Variants in SOX6 observed in about 807,000 individuals in gnomAD.
SOX6 encodes the protein SRY-box transcription factor 6.
SOX6 carries 11 observed loss-of-function variants against 97.8 expected under a neutral mutation model. That is an observed-to-expected ratio of 0.11 (90% CI 0.07 to 0.19). SOX6 has a LOEUF of 0.19. Among genes scored for constraint, SOX6 ranks in the 10% least tolerant of loss-of-function variants. The probability of loss-of-function intolerance (pLI) is 1.00; values close to 1 mark genes in which losing one functional copy is unlikely to be tolerated. For missense variants in SOX6, 810 were observed against 1,039.5 expected, an observed-to-expected ratio of 0.78 and a Z score of 3.04; for synonymous variants, 360 against 371.4, an observed-to-expected ratio of 0.97 and a Z score of 0.35.
chr11:16,059,041 T>C (rs1847885453), intron 9 of SOX6, among the ~76,000 whole-genome samples: 1 of 152,116 alleles, frequency 6.6e-6, no homozygotes, highest in African/African-American at 2.4e-5. Flanking sequence ...CAACTGGGCT[T>C]GATTCTTTTT....
At chr11:16,665,606 G>A (rs1281070206) in intron 3 of SOX6, among the ~76,000 whole-genome samples, 2 of 152,152 alleles carry the variant, frequency 1.3e-5, no homozygotes, top group Non-Finnish European at 2.9e-5. Context: ...CCCAGGACTG[G>A]GGGGATCTTG....
chr11:16,436,515 C>A (rs1859379011), intron 1 of SOX6, among the ~76,000 whole-genome samples: 1 of 152,068 alleles, frequency 6.6e-6, no homozygotes, highest in South Asian at 2.1e-4. Context: ...TTTGAGTTCC[C>A]TACTCATACT....
At chr11:16,640,028 G>A (rs373894292) in intron 3 of SOX6, among the ~76,000 whole-genome samples, 1 of 152,112 alleles carries the variant, frequency 6.6e-6, no homozygotes. Flanking sequence ...CCCATTCAGT[G>A]TGATACTGGC....
chr11:16,686,381 C>A (rs546714509), intron 3 of SOX6, among the ~76,000 whole-genome samples: 6 of 152,308 alleles, frequency 3.9e-5, no homozygotes, highest in African/African-American at 1.4e-4. Context: ...GAGTAGGCCA[C>A]ATCTTCAACA....
chr11:15,994,110 T>C (rs1279425657), intron 13 of SOX6, among the ~76,000 whole-genome samples: 1 of 152,212 alleles, frequency 6.6e-6, no homozygotes, highest in African/African-American at 2.4e-5. Flanking sequence ...ACTTTGTTTT[T>C]AAGGAATTTG....
intron 1 of SOX6, among the ~76,000 whole-genome samples, chr11:16,470,851 A>C (rs953430194): frequency 1.2e-4 from 18 of 152,176 alleles, no homozygotes; most frequent in Non-Finnish European, 1.5e-5. Context: ...TGCAGAATCA[A>C]GTGTTATACT....
chr11:16,485,296 A>C (rs1379540113), intron 4 of SOX6, among the ~76,000 whole-genome samples: 1 of 152,216 alleles, frequency 6.6e-6, no homozygotes, highest in African/African-American at 2.4e-5. Flanking sequence ...CAAAACAAAA[A>C]AAATGAGGGC....
chr11:16,406,669 G>A (rs575822271), intron 1 of SOX6, among the ~76,000 whole-genome samples: 19 of 152,122 alleles, frequency 1.2e-4, no homozygotes, highest in African/African-American at 4.6e-4. Flanking sequence ...GAGGACAAAT[G>A]CCCTATCAAT....
At chr11:16,475,444 T>C (rs556477588) in intron 1 of SOX6, among the ~76,000 whole-genome samples, 1 of 152,236 alleles carries the variant, frequency 6.6e-6, no homozygotes, top group South Asian at 2.1e-4. Context: ...CATTGTAGGG[T>C]TATTAATTGG....
chr11:16,083,098 T>G (rs1449657471), intron 9 of SOX6, among the ~76,000 whole-genome samples: 1 of 152,220 alleles, frequency 6.6e-6, no homozygotes, highest in East Asian at 1.9e-4. Context: ...TAACATCACC[T>G]TATCCATGAA....
chr11:16,465,169 T>G (rs1860005846), intron 1 of SOX6, among the ~76,000 whole-genome samples: 1 of 152,150 alleles, frequency 6.6e-6, no homozygotes, highest in East Asian at 1.9e-4. Context: ...TACCCACACT[T>G]TTCATGTCTG....
intron 3 of SOX6, among the ~76,000 whole-genome samples, chr11:16,705,633 GAA>G (rs147138738): frequency 6.6e-6 from 1 of 151,390 alleles, no homozygotes; most frequent in Non-Finnish European, 1.5e-5. Context: ...CCTCTAGGGG[GAA>G]AAAAAACTAT....
At chr11:16,001,118 G>A (rs1191033742) in intron 13 of SOX6, among the ~76,000 whole-genome samples, 1 of 152,028 alleles carries the variant, frequency 6.6e-6, no homozygotes, top group Non-Finnish European at 1.5e-5. Context: ...GCCTGCCTTG[G>A]CCTCCCAAAA....
At chr11:16,430,670 A>T (rs1859255785) in intron 1 of SOX6, among the ~76,000 whole-genome samples, 1 of 152,068 alleles carries the variant, frequency 6.6e-6, no homozygotes, top group Non-Finnish European at 1.5e-5. Flanking sequence ...TTAATTTTGA[A>T]CTTCCCAGCC....
Position 16,416,620 on chromosome 11 carries a change from CG to C in SOX6, c.-5+59694del, listed in dbSNP as rs1197481003. 2.0e-5 allele frequency among the ~76,000 whole-genome samples: 3 copies of C among 152,182 alleles called. No homozygotes were observed. In the East Asian group the frequency reaches 5.8e-4, roughly 29 times the overall value. Reference sequence around the variant, plus strand: ...TCAGAATTTGGACTTTAAGCATCCACGACACTAAATCATTCTCAGCAGCATT... The same window carrying C: ...TCAGAATTTGGACTTTAAGCATCCACACACTAAATCATTCTCAGCAGCATT... On this transcript the variant is annotated intron_variant, in intron 1 of 15. Coordinates refer to the SOX6 transcript ENST00000396356.
intron 4 of SOX6, among the ~76,000 whole-genome samples, chr11:16,501,654 T>C (rs191419756): frequency 1.3e-5 from 2 of 151,986 alleles, no homozygotes; most frequent in East Asian, 3.9e-4. Flanking sequence ...GGGCAAAGGA[T>C]ATGAACAGAC....
chr11:16,233,446 T>C (rs1852919515), intron 4 of SOX6, among the ~76,000 whole-genome samples: 1 of 152,136 alleles, frequency 6.6e-6, no homozygotes, highest in African/African-American at 2.4e-5. Context: ...TCTTAACATG[T>C]CTAAAAATAA....
intron 3 of SOX6, among the ~76,000 whole-genome samples, chr11:16,244,788 C>T (rs1450659547): frequency 6.6e-6 from 1 of 150,958 alleles, no homozygotes; most frequent in Non-Finnish European, 1.5e-5. Context: ...GTTTGTAGAT[C>T]TATTTCTTAA....
At chr11:15,982,061 C>G (rs1430621649) in intron 15 of SOX6, among the ~76,000 whole-genome samples, 2 of 151,696 alleles carry the variant, frequency 1.3e-5, no homozygotes, top group Non-Finnish European at 2.9e-5. Context: ...GTTCCTACAG[C>G]CAAGAAGGTG....
Sources: allele counts gnomAD v4.1 joint callset (sites outside exome capture counted in the v4.1 genomes callset), GRCh38; gene constraint gnomAD v4.1.1; transcripts MANE v1.5; gene names NCBI Gene and HGNC (gene_info 2026-07-23, HGNC 2026-07-21).